The following BEND5 variants were observed in gnomAD, a reference collection of about 807,000 sequenced individuals.
The protein encoded by BEND5 is BEN domain containing 5.
In BEND5, 22 loss-of-function variants were observed where a neutral mutation model predicts 43.9. The ratio of observed to expected loss-of-function variants is 0.50; its 90% CI spans 0.36 to 0.72. BEND5 has a LOEUF of 0.72. Among genes scored for constraint, BEND5 ranks in the 30% least tolerant of loss-of-function variants. BEND5 has a pLI of 0.00. For synonymous variants in BEND5, 228 were observed against 225.9 expected (o/e 1.01, Z -0.08); for missense variants, 428 against 550.6 (o/e 0.78, Z 2.23).
At chr1:48,745,466 G>C (rs1006568022) in intron 3 of BEND5, among the ~76,000 whole-genome samples, 2 of 152,278 alleles carry the variant, frequency 1.3e-5, no homozygotes, top group African/African-American at 2.4e-5. Context: ...GGGGTTGAAA[G>C]AGTCACCTCT....
intron 1 of BEND5, among the ~76,000 whole-genome samples, chr1:48,771,151 A>G (rs2148692936): frequency 6.6e-6 from 1 of 152,332 alleles, no homozygotes; most frequent in East Asian, 1.9e-4. Flanking sequence ...ACCACCTAGT[A>G]TAACTCAATA....
intron 1 of BEND5, among the ~76,000 whole-genome samples, chr1:48,763,364 C>T (rs1644371838): frequency 6.6e-6 from 1 of 152,168 alleles, no homozygotes; most frequent in African/African-American, 2.4e-5. Context: ...AAAAGAGCAA[C>T]AGTTTCCCTC....
intron 1 of BEND5, among the ~76,000 whole-genome samples, chr1:48,765,982 C>T (rs918285216): frequency 7.9e-5 from 12 of 152,114 alleles, no homozygotes; most frequent in African/African-American, 2.4e-4. Context: ...AAAAACGTTC[C>T]GGAATTAAGT....
intron 4 of BEND5, among the ~76,000 whole-genome samples, chr1:48,742,253 A>G (rs901992941): frequency 6.6e-6 from 1 of 152,210 alleles, no homozygotes; most frequent in Non-Finnish European, 1.5e-5. Context: ...CTTCATTTCC[A>G]GTTCACCTGA....
chr1:48,729,351 G>A (rs897652018), intron 5 of BEND5, among the ~76,000 whole-genome samples: 1 of 152,202 alleles, frequency 6.6e-6, no homozygotes, highest in African/African-American at 2.4e-5. Context: ...AAGAGGACTA[G>A]GGCGTGGGTG....
intron 3 of BEND5, among the ~76,000 whole-genome samples, chr1:48,756,059 G>A (rs936557528): frequency 1.3e-5 from 2 of 152,128 alleles, no homozygotes; most frequent in Non-Finnish European, 2.9e-5. Flanking sequence ...TGTTGAACAG[G>A]AGCTAACAGT....
chr1:48,772,006 C>T (rs748629804), intron 1 of BEND5, among the ~76,000 whole-genome samples: 5 of 152,206 alleles, frequency 3.3e-5, no homozygotes, highest in African/African-American at 4.8e-5. Context: ...TGCAGAGGTT[C>T]CTATCTCCCC....
chr1:48,742,643 A>G lies in BEND5; in HGVS notation c.874T>C (p.Tyr292His). 2 of 1,601,390 alleles carry G rather than the reference A, an allele frequency of 1.2e-6. No homozygotes were observed. The highest frequency in any genetic ancestry group is 1.7e-6 in the Non-Finnish European group (2 of 1,173,412). Residue 292 changes from tyrosine to histidine, a missense_variant, in exon 4 of 6, where the codon TAT becomes CAT. Coordinates refer to ENST00000371833, the MANE Select transcript of BEND5 (RefSeq NM_024603.4). ...ACTACCTTGCCATTGTCTAGGATAT[A>G]CTTGTCCATGACAGGCGCAGGAGCG... is the stretch of plus-strand genomic sequence containing the variant. ...YPAPAPVMDK[Y>H]ILDNGKVHLG...
Position 48,736,100 on chromosome 1 carries a change from G to C in BEND5, c.1108+139C>G, listed in dbSNP as rs1648997913. On this transcript the variant is annotated intron_variant, in intron 5 of 5. Coordinates refer to ENST00000371833, the MANE Select transcript of BEND5 (RefSeq NM_024603.4). This position sits in a 1 kb window ranked among gnomAD's most constrained non-coding sequence, Gnocchi z 4.0. ...CTCTTCTGGGGCATTTGGGTTATCC[G>C]CTTGGTGTCCCCGGGCTCAGCCCAG... 1 of 909,528 alleles carries C rather than the reference G, an allele frequency of 1.1e-6. No individual in the cohort carries two copies. Among genetic ancestry groups the C allele is most frequent in the East Asian group, 2.5e-5 (1 of 40,740 alleles). 56.3% of individuals were successfully genotyped at this position (909,528 alleles called of 1,614,324 possible).
In BEND5 at chr1:48,749,680, C is replaced by A. The variant is rs115949629; in HGVS notation, c.746-6909G>T. 1.6e-3 allele frequency among the ~76,000 whole-genome samples: 247 copies of A among 152,214 alleles called. 1 individual carries two copies. Among genetic ancestry groups the A allele is most frequent in the Non-Finnish European group, 2.4e-3 (161 of 68,014 alleles). ...AAAAGCCCCACAATCATGAGGGGTG[C>A]GGTGGAAGGGGAATAGGTTGTCACC... On this transcript the variant is annotated intron_variant, in intron 3 of 5. Transcript: ENST00000371833.
At chr1:48,730,687 A>C (rs563508846) in intron 5 of BEND5, among the ~76,000 whole-genome samples, 2 of 152,350 alleles carry the variant, frequency 1.3e-5, no homozygotes, top group Admixed American at 1.3e-4. Context: ...GTTGATTAAA[A>C]GGCTTTCGTT....
intron 4 of BEND5, among the ~76,000 whole-genome samples, chr1:48,739,046 C>T (rs11205533): frequency 6.6e-6 from 1 of 151,932 alleles, no homozygotes; most frequent in Non-Finnish European, 1.5e-5. Flanking sequence ...GCTGCCACCA[C>T]GGTGGTACTG....
intron 2 of BEND5, 197 bp from the exon 3 acceptor site, chr1:48,759,481 C>A (rs571743140): frequency 8.9e-7 from 1 of 1,120,212 alleles, no homozygotes; most frequent in South Asian, 1.7e-5. Context: ...AAATGGGGTT[C>A]CGAGTGGGGA....
At position 48,727,883 on chromosome 1, in the gene BEND5, A is replaced by T. The variant is rs1389669909; in HGVS notation, c.*3T>A. On this transcript the variant is annotated 3_prime_UTR_variant, in exon 6 of 6. Transcript: ENST00000371833. Reference sequence around the variant, plus strand: ...CACGAAAGCTTTATGAAAAATCCAAAGTTTATTGCAAATTGTATTTTGCTT... The same window carrying T: ...CACGAAAGCTTTATGAAAAATCCAATGTTTATTGCAAATTGTATTTTGCTT... 1.3e-6 allele frequency: 2 copies of T among 1,598,824 alleles called. No homozygotes were observed. Among genetic ancestry groups the T allele is most frequent in the Non-Finnish European group, 8.5e-7 (1 of 1,169,916 alleles).
intron 1 of BEND5, among the ~76,000 whole-genome samples, chr1:48,767,214 T>C (rs1404493233): frequency 6.6e-6 from 1 of 152,188 alleles, no homozygotes; most frequent in Non-Finnish European, 1.5e-5. Flanking sequence ...TGGGGTAAGC[T>C]AGTTAACCTG....
At chr1:48,770,191 C>T (rs1291617742) in intron 1 of BEND5, among the ~76,000 whole-genome samples, 2 of 152,204 alleles carry the variant, frequency 1.3e-5, no homozygotes, top group Non-Finnish European at 2.9e-5. Context: ...TGGTGCAAAA[C>T]TGAGAAAATG....
intron 4 of BEND5, among the ~76,000 whole-genome samples, chr1:48,741,386 T>C (rs911581985): frequency 1.3e-5 from 2 of 152,196 alleles, no homozygotes; most frequent in Non-Finnish European, 2.9e-5. Context: ...TGTAGAGCTA[T>C]GCTAAGAACT....
chr1:48,763,187 G>C (rs150452517), intron 1 of BEND5, among the ~76,000 whole-genome samples: 367 of 152,258 alleles, frequency 2.4e-3, no homozygotes, highest in African/African-American at 8.7e-3. Flanking sequence ...AAAAAAAAGA[G>C]GTGGTCTTTG....
chr1:48,770,026 T>C (rs1243362794), intron 1 of BEND5, among the ~76,000 whole-genome samples: 2 of 152,132 alleles, frequency 1.3e-5, no homozygotes, highest in African/African-American at 4.8e-5. Flanking sequence ...CTGACCTGCT[T>C]GCCACCTTTA....
Sources: allele counts gnomAD v4.1 joint callset (sites outside exome capture counted in the v4.1 genomes callset), GRCh38; gene constraint gnomAD v4.1.1; non-coding constraint Gnocchi (gnomAD v3.1); transcripts MANE v1.5; gene names NCBI Gene and HGNC (gene_info 2026-07-23, HGNC 2026-07-21).